The following IGF2R variants were observed in gnomAD, a reference collection of about 807,000 sequenced individuals.
IGF2R encodes cation-independent mannose-6-phosphate receptor.
IGF2R carries 91 observed loss-of-function variants against 270.6 expected under a neutral mutation model. The observed-to-expected ratio is 0.34, with a 90% CI of 0.28 to 0.40. IGF2R has a LOEUF of 0.40. Among genes scored for constraint, IGF2R ranks in the 10% least tolerant of loss-of-function variants. The probability of loss-of-function intolerance (pLI) is 1.00; values close to 1 mark genes in which losing one functional copy is unlikely to be tolerated. For synonymous variants in IGF2R, 1,316 were observed against 1,258.9 expected, an observed-to-expected ratio of 1.05 and a Z score of -0.96; for missense variants, 2,805 against 3,188.3, an observed-to-expected ratio of 0.88 and a Z score of 2.90.
At chr6:160,082,709 A>C (rs1779012549) in intron 39 of IGF2R, among the ~76,000 whole-genome samples, 1 of 152,222 alleles carries the variant, frequency 6.6e-6, no homozygotes, top group Non-Finnish European at 1.5e-5. Flanking sequence ...GTACGATGAA[A>C]GGCTGTGTGC....
At chr6:160,104,260 C>G (rs1359673348) in intron 47 of IGF2R, among the ~76,000 whole-genome samples, 5 of 152,116 alleles carry the variant, frequency 3.3e-5, no homozygotes, top group Non-Finnish European at 7.3e-5. Flanking sequence ...TGACTGGAGT[C>G]CCTCCTTTGA....
intron 11 of IGF2R, 54 bp from the exon 12 acceptor site, chr6:160,043,094 A>G: frequency 6.3e-7 from 1 of 1,592,634 alleles, no homozygotes; most frequent in East Asian, 2.2e-5. Context: ...TTATTCTGTG[A>G]CTCAGAGAAA....
chr6:160,104,595 A>T, intron 47 of IGF2R, 79 bp from the exon 48 acceptor site: 1 of 1,449,962 alleles, frequency 6.9e-7, no homozygotes, highest in East Asian at 2.3e-5. Flanking sequence ...AGCAGAGAGC[A>T]TCCCTGATGT....
chr6:160,018,250 T>TAA (rs913379702), intron 4 of IGF2R, among the ~76,000 whole-genome samples: 2 of 148,546 alleles, frequency 1.3e-5, no homozygotes, highest in African/African-American at 2.5e-5. Context: ...TCAACAACAG[T>TAA]AAAAAAAAAG....
At chr6:160,022,516 A>G (rs1437336940) in intron 4 of IGF2R, among the ~76,000 whole-genome samples, 1 of 152,258 alleles carries the variant, frequency 6.6e-6, no homozygotes, top group Non-Finnish European at 1.5e-5. Context: ...ACTGTCATAA[A>G]TTAAAACCAA....
rs1027439127 is a variant in IGF2R at position 160,068,350 on chromosome 6, A to G, written c.4217A>G (p.Asn1406Ser). ...GGGGACCCGGAGCACTACCTCATCA[A>G]TGTCTGCAAGTCTCTGGCCCCGCAG... ...GTGDPEHYLI[N>S]VCKSLAPQAG... Residue 1406 changes from asparagine (N) to serine (S), a missense_variant, in exon 30 of 48, where the codon AAT (asparagine) becomes AGT (serine). This residue lies in a region of IGF2R where 1,851 missense variants were observed against 2,207.2 expected (regional missense o/e 0.84). Transcript: ENST00000356956. 1.2e-6 allele frequency: 2 copies of G among 1,614,224 alleles called. No homozygotes were observed. Among genetic ancestry groups the G allele is most frequent in the South Asian group, 1.1e-5 (1 of 91,090 alleles).
At chr6:160,025,648 C>A (rs1213845182) in intron 5 of IGF2R, among the ~76,000 whole-genome samples, 3 of 152,084 alleles carry the variant, frequency 2.0e-5, no homozygotes, top group Non-Finnish European at 4.4e-5. Flanking sequence ...TCAGGGCTCA[C>A]CAAAAGTAAC....
chr6:160,052,435 GACACA>G (rs1778220365), intron 19 of IGF2R, among the ~76,000 whole-genome samples: 1 of 152,108 alleles, frequency 6.6e-6, no homozygotes, highest in South Asian at 2.1e-4. Flanking sequence ...AATAAAAGAG[GACACA>G]AACAAATGGA....
rs1387590323 is a variant in IGF2R at position 160,096,581 on chromosome 6, C to T, written c.6798C>T (p.Cys2266=). ...IPEFSHETAD[C]QYLFSWYTSA... The stretch of plus-strand genomic sequence containing the variant: ...AGTTCAGTCACGAGACTGCCGACTG[C>T]CAGTACCTCTTCTCTTGGTACACCT... Residue 2266 remains cysteine (C), a synonymous_variant, in exon 45 of 48, where the codon TGC becomes TGT. Coordinates refer to ENST00000356956, the MANE Select transcript of IGF2R (RefSeq NM_000876.4). The T allele has an allele frequency of 2.5e-6, 4 of 1,614,112 alleles. No homozygotes were observed. The highest frequency in any genetic ancestry group is 1.7e-5 in the Admixed American group (1 of 60,022).
intron 46 of IGF2R, among the ~76,000 whole-genome samples, chr6:160,103,396 G>T (rs964387615): frequency 6.6e-6 from 1 of 152,168 alleles, no homozygotes; most frequent in Non-Finnish European, 1.5e-5. Flanking sequence ...TCTGGGCCGG[G>T]AAGGGCATGT....
intron 2 of IGF2R, chr6:160,005,826 C>A (rs1177774713): frequency 2.7e-5 from 4 of 147,146 alleles, no homozygotes; most frequent in African/African-American, 7.6e-5. Context: ...CTCCCCATGT[C>A]CCCCACGACT....
intron 6 of IGF2R, 142 bp from the exon 7 acceptor site, chr6:160,029,408 C>T (rs1367733651): frequency 3.7e-6 from 2 of 539,218 alleles, no homozygotes; most frequent in East Asian, 3.1e-5. Flanking sequence ...CATTTTATAC[C>T]ATATCTACTT....
chr6:160,071,348 G>C (rs1331618683), intron 31 of IGF2R, among the ~76,000 whole-genome samples: 1 of 152,006 alleles, frequency 6.6e-6, no homozygotes, highest in African/African-American at 2.4e-5. Context: ...GGCTTATCAG[G>C]GTGCCCAGCA....
In IGF2R at chr6:160,072,872, C is replaced by T. The variant is rs756915938; in HGVS notation, c.4678C>T (p.Pro1560Ser). The change falls in exon 33 of 48, where the codon CCT (proline) becomes TCT (serine). Residue 1560 changes from proline to serine, a missense_variant. Around this residue, in one of 2 missense-constraint regions of IGF2R, gnomAD observed 1,851 missense variants for 2,207.2 expected, o/e 0.84. Coordinates refer to ENST00000356956, the MANE Select transcript of IGF2R (RefSeq NM_000876.4). The part of the protein sequence containing the change: ...MSICGENENC[P>S]PGVGACFGQT... ...CATCTGTGGGGAGAATGAAAACTGC[C>T]CTCCTGGCGTGGGTGAGTGCTGTGG... is the stretch of plus-strand genomic sequence containing the variant. 9.3e-6 allele frequency: 15 copies of T among 1,612,766 alleles called. No homozygotes were observed. Among genetic ancestry groups the T allele is most frequent in the Non-Finnish European group, 1.2e-5 (14 of 1,179,326 alleles).
intron 4 of IGF2R, among the ~76,000 whole-genome samples, chr6:160,017,953 C>T (rs1777344220): frequency 6.6e-6 from 1 of 152,062 alleles, no homozygotes; most frequent in Admixed American, 6.5e-5. Flanking sequence ...AACAAGACCA[C>T]AAAGCAACTA....
rs1201481591 is a variant in IGF2R at position 160,102,556 on chromosome 6, C to T, written c.6880C>T (p.Gln2294Ter). ...FDSENPGDDG[Q>*]MHKGLSERSQ... is the part of the protein sequence containing the mutation. The stretch of plus-strand genomic sequence containing the variant: ...CAGCGAGAATCCCGGGGACGACGGG[C>T]AGATGCACAAGGGGCTGTCAGAACG... Residue 2294 changes from glutamine to a stop codon, truncating the protein, a stop_gained, in exon 46 of 48, where the codon CAG becomes TAG. Transcript: ENST00000356956. LOFTEE classifies it high-confidence loss of function. This position sits in a 1 kb window ranked among gnomAD's most constrained non-coding sequence, Gnocchi z 4.5. 2 of 1,613,186 alleles carry T rather than the reference C, an allele frequency of 1.2e-6. No homozygotes were observed. Among genetic ancestry groups the T allele is most frequent in the Admixed American group, 3.3e-5 (2 of 60,024 alleles).
At position 160,050,324 on chromosome 6, in the gene IGF2R, C is replaced by T; in HGVS notation, c.2515-149C>T. On this transcript the variant is annotated intron_variant, in intron 18 of 47. Coordinates refer to ENST00000356956, the MANE Select transcript of IGF2R (RefSeq NM_000876.4). This position sits in a 1 kb window ranked among gnomAD's most constrained non-coding sequence, Gnocchi z 4.0. ...ACTCTTTGAGGATGGTTTCCTATTC[C>T]ATATGTAATAAGGGGATTTCCCCAG... 1.3e-6 allele frequency: 1 copy of T among 780,330 alleles called. No homozygotes were observed. Among genetic ancestry groups the T allele is most frequent in the South Asian group, 1.9e-5 (1 of 53,344 alleles). 48.3% of individuals were successfully genotyped at this position (780,330 alleles called of 1,614,324 possible). A position where few individuals can be genotyped will look rare whatever the true frequency, so the allele number is the denominator to read the frequency against.
chr6:159,978,975 G>C (rs1385980987), intron 1 of IGF2R, among the ~76,000 whole-genome samples: 1 of 152,160 alleles, frequency 6.6e-6, no homozygotes, highest in East Asian at 1.9e-4. Context: ...GAAGTGAGGG[G>C]GATGGTGGAA....
Position 160,044,462 on chromosome 6 carries a change from G to GTGATGA in IGF2R, c.1622-50_1622-45dup, listed in dbSNP as rs1562355105. On this transcript the variant is annotated intron_variant, in intron 12 of 47. Transcript: ENST00000356956. ...TTTTTTAAGTCACTTCTTTGTCTGC[G>GTGATGA]TGATGATCATTTTTAACCACATCTT... is the stretch of plus-strand genomic sequence containing the variant. 5.5e-6 allele frequency: 7 copies of GTGATGA among 1,273,402 alleles called. No individual in the cohort carries two copies. In the African/African-American group the frequency reaches 8.9e-5, roughly 16 times the overall value. The allele number at this position is 1,273,402 out of a possible 1,614,324, so 78.9% of individuals were successfully genotyped here.
Sources: gnomAD v4.1 joint callset for allele counts (sites outside exome capture counted in the v4.1 genomes callset) on GRCh38, gnomAD v4.1.1 for gene constraint, gnomAD v4.1.1 regional missense constraint, Gnocchi (gnomAD v3.1) non-coding constraint, MANE v1.5 for transcripts, NCBI Gene and HGNC (gene_info 2026-07-23, HGNC 2026-07-21) for gene names.